FRAS1: variants seen among roughly 807,000 people sequenced by gnomAD.
FRAS1 encodes the protein Fraser extracellular matrix complex subunit 1, also known as extracellular matrix organizing protein FRAS1.
A neutral mutation model predicts 435.2 loss-of-function variants in FRAS1; 290 were observed. The observed-to-expected ratio is 0.67, with a 90% CI of 0.61 to 0.73. The LOEUF (loss-of-function observed/expected upper bound fraction) is 0.73. Ranked by LOEUF, FRAS1 falls within the 30% of genes least tolerant of loss-of-function variation. The probability of loss-of-function intolerance (pLI) is 0.00; values close to 1 mark genes in which losing one functional copy is unlikely to be tolerated. For missense variants in FRAS1, 4,860 were observed against 5,001.5 expected, an observed-to-expected ratio of 0.97 and a Z score of 0.85; for synonymous variants, 1,800 against 1,851.0, an observed-to-expected ratio of 0.97 and a Z score of 0.71.
At chr4:78,475,318 A>G (rs1389444216) in intron 53 of FRAS1, 120 bp from the exon 54 acceptor site, 1 of 1,023,814 alleles carries the variant, frequency 9.8e-7, no homozygotes, top group Non-Finnish European at 1.5e-6. Flanking sequence ...AGAGGAACCA[A>G]ACTTCCTCTT....
intron 2 of FRAS1, among the ~76,000 whole-genome samples, chr4:78,080,284 T>C (rs549053565): frequency 2.0e-5 from 3 of 152,132 alleles, no homozygotes; most frequent in African/African-American, 7.2e-5. Flanking sequence ...CTGTCTGCAC[T>C]ACCTTGGGCT....
chr4:78,420,281 C>T (rs1024517301), intron 33 of FRAS1, among the ~76,000 whole-genome samples: 6 of 152,220 alleles, frequency 3.9e-5, no homozygotes, highest in Non-Finnish European at 7.3e-5. Flanking sequence ...AGTCATCCCT[C>T]ACCTTTGTAA....
rs753676442 is a variant in FRAS1, at chr4:78,456,138, CTTTTTTT to C, written c.6763+3801_6763+3807del. 3.0e-3 allele frequency among the ~76,000 whole-genome samples: 156 copies of C among 51,480 alleles called. 3 individuals are homozygous for C. Among genetic ancestry groups the C allele is most frequent in the Non-Finnish European group, 5.1e-3 (123 of 24,328 alleles). The allele number at this position is 51,480 out of a possible 152,430, so 33.8% of individuals were successfully genotyped here. On this transcript the variant is annotated intron_variant, in intron 47 of 73. Transcript: ENST00000512123. Reference sequence around the variant, plus strand: ...AGCATTACTTGAAGAACACATGTCACTTTTTTTTTTTTTTTTTTTTTTTGAGACGGAG... The same window carrying C: ...AGCATTACTTGAAGAACACATGTCACTTTTTTTTTTTTTTTTGAGACGGAG...
chr4:78,433,281 T>C (rs541577617), intron 38 of FRAS1, among the ~76,000 whole-genome samples: 2 of 152,340 alleles, frequency 1.3e-5, no homozygotes, highest in East Asian at 1.9e-4. Flanking sequence ...ATGAGGATGA[T>C]TAATTTTATT....
rs759260729 is a variant in FRAS1, at chr4:78,445,729, T to G, written c.5856+17T>G. Reference sequence around the variant, plus strand: ...ACCATTGAGGTAAAGACTTTGGAAGTTGGAAAGGTTGAGCCCTTGACCACA... The same window carrying G: ...ACCATTGAGGTAAAGACTTTGGAAGGTGGAAAGGTTGAGCCCTTGACCACA... On this transcript the variant is annotated intron_variant, in intron 42 of 73. Coordinates refer to ENST00000512123, the MANE Select transcript of FRAS1 (RefSeq NM_025074.7). 203 of 1,613,524 alleles carry G rather than the reference T, an allele frequency of 1.3e-4. No individual in the cohort carries two copies. The highest frequency in any genetic ancestry group is 1.6e-4 in the Non-Finnish European group (192 of 1,179,698).
At chr4:78,331,239 G>T (rs192517089) in intron 18 of FRAS1, among the ~76,000 whole-genome samples, 137 of 152,306 alleles carry the variant, frequency 9.0e-4, no homozygotes, top group Non-Finnish European at 1.6e-3. Context: ...CTTGAATAAA[G>T]CTCTGTAGTA....
intron 2 of FRAS1, among the ~76,000 whole-genome samples, chr4:78,090,243 C>T (rs1478022018): frequency 6.6e-6 from 1 of 152,260 alleles, no homozygotes; most frequent in South Asian, 2.1e-4. Flanking sequence ...AGGCATGAGC[C>T]ATCAAGTTCC....
chr4:78,088,714 C>G (rs1202986218), intron 2 of FRAS1, among the ~76,000 whole-genome samples: 1 of 152,088 alleles, frequency 6.6e-6, no homozygotes. Flanking sequence ...AAATGCAAAT[C>G]AAAACCACAA....
At chr4:78,465,947 C>G (rs1719512783) in intron 49 of FRAS1, among the ~76,000 whole-genome samples, 1 of 152,170 alleles carries the variant, frequency 6.6e-6, no homozygotes, top group African/African-American at 2.4e-5. Context: ...GTTAAAAATT[C>G]AGGCTTTCCC....
intron 48 of FRAS1, 102 bp from the exon 49 acceptor site, chr4:78,464,341 T>C (rs1719457963): frequency 6.6e-7 from 1 of 1,511,154 alleles, no homozygotes; most frequent in African/African-American, 1.4e-5. Flanking sequence ...TATTGACTTG[T>C]GCAAGCAATG....
At chr4:78,445,155 T>C (rs1662583718) in intron 41 of FRAS1, among the ~76,000 whole-genome samples, 1 of 152,254 alleles carries the variant, frequency 6.6e-6, no homozygotes, top group African/African-American at 2.4e-5. Context: ...GAGCTTAAGG[T>C]AGAATCTCTG....
At chr4:78,195,685 A>G (rs1046134339) in intron 2 of FRAS1, among the ~76,000 whole-genome samples, 3 of 152,060 alleles carry the variant, frequency 2.0e-5, no homozygotes, top group African/African-American at 7.2e-5. Flanking sequence ...CCTTTCTTTG[A>G]CTAGGAAAGG....
intron 1 of FRAS1, among the ~76,000 whole-genome samples, chr4:78,065,163 G>A (rs1206357335): frequency 7.5e-6 from 1 of 133,144 alleles, no homozygotes; most frequent in East Asian, 2.1e-4. Context: ...GTATATAGTG[G>A]GTATATATGT....
In FRAS1 at chr4:78,400,823, C is replaced by A; in HGVS notation, c.4065C>A (p.Ala1355=). The change falls in exon 30 of 74, where the codon GCC becomes GCA. Residue 1355 remains alanine, a synonymous_variant. Transcript: ENST00000512123. ...AGATCACCAACAGAATCTTACAGGC[C>A]GAGGCTCCTGGTGCCAGTGCTGAAG... ...MLQITNRILQ[A]EAPGASAEEI... is the part of the protein sequence containing the mutation. The A allele has an allele frequency of 6.2e-7, 1 of 1,613,616 alleles. No individual in the cohort carries two copies. Among genetic ancestry groups the A allele is most frequent in the Non-Finnish European group, 8.5e-7 (1 of 1,179,724 alleles).
intron 2 of FRAS1, among the ~76,000 whole-genome samples, chr4:78,152,086 T>G (rs1430660674): frequency 1.3e-5 from 2 of 152,302 alleles, no homozygotes; most frequent in East Asian, 3.9e-4. Flanking sequence ...TAAGTCAGTA[T>G]TTGCCTGGTT....
At position 78,284,467 on chromosome 4, in the gene FRAS1, G is replaced by A. The variant is rs1316707352; in HGVS notation, c.1318G>A (p.Asp440Asn). Reference sequence around the variant, plus strand: ...TCCAGACCACTGTGACCTCTGCCAAGATCCTACCAAGTTACTGCAGAATGG... The same window carrying A: ...TCCAGACCACTGTGACCTCTGCCAAAATCCTACCAAGTTACTGCAGAATGG... The part of the protein sequence containing the change: ...QSPDHCDLCQ[D>N]PTKLLQNGWC... Residue 440 changes from aspartate to asparagine, a missense_variant, in exon 13 of 74, where the codon GAT (aspartate) becomes AAT (asparagine). Transcript: ENST00000512123. The A allele has an allele frequency of 1.2e-6, 2 of 1,613,774 alleles. No individual in the cohort carries two copies. The highest frequency in any genetic ancestry group is 2.7e-5 in the African/African-American group (2 of 74,912).
At chr4:78,105,341 G>C (rs949718630) in intron 2 of FRAS1, among the ~76,000 whole-genome samples, 6 of 152,180 alleles carry the variant, frequency 3.9e-5, no homozygotes, top group African/African-American at 1.4e-4. Flanking sequence ...TGGTTGACAG[G>C]CATCAGGAAG....
chr4:78,377,228 A>G (rs1038143055), intron 26 of FRAS1, among the ~76,000 whole-genome samples: 3 of 152,152 alleles, frequency 2.0e-5, no homozygotes, highest in Non-Finnish European at 4.4e-5. Context: ...CTCATATTCA[A>G]TCATATTTTC....
intron 47 of FRAS1, among the ~76,000 whole-genome samples, chr4:78,456,843 C>A (rs1178663314): frequency 2.6e-5 from 4 of 152,194 alleles, no homozygotes; most frequent in Non-Finnish European, 5.9e-5. Flanking sequence ...GGCATCTAAT[C>A]CTAAGTCTGA....
Sources: gnomAD v4.1 joint callset for allele counts (sites outside exome capture counted in the v4.1 genomes callset) on GRCh38, gnomAD v4.1.1 for gene constraint, MANE v1.5 for transcripts, NCBI Gene and HGNC (gene_info 2026-07-23, HGNC 2026-07-21) for gene names.